Variants in XKR4 observed in about 807,000 individuals in gnomAD.
The protein encoded by XKR4 is XK-related protein 4.
In XKR4, 12 loss-of-function variants were observed where a neutral mutation model predicts 53.9. The ratio of observed to expected loss-of-function variants is 0.22; its 90% CI spans 0.14 to 0.36. The LOEUF is 0.36. XKR4 is among the 10% of genes least tolerant of loss of function. The probability of loss-of-function intolerance (pLI) is 1.00; values close to 1 mark genes in which losing one functional copy is unlikely to be tolerated. For synonymous variants in XKR4, 354 were observed against 362.4 expected, an observed-to-expected ratio of 0.98 and a Z score of 0.26; for missense variants, 799 against 859.5, an observed-to-expected ratio of 0.93 and a Z score of 0.88.
chr8:55,523,780 C>A lies in XKR4; in HGVS notation c.1506C>A (p.Gly502=), dbSNP rs765354178. 9 of 1,614,122 alleles carry A rather than the reference C, an allele frequency of 5.6e-6. No homozygotes were observed. In the South Asian group the frequency reaches 7.7e-5, roughly 14 times the overall value. ...LCVVFSSFLT[G]VVFMLMYYAF... is the part of the protein sequence containing the mutation. ...TGGTGTTCAGCAGCTTTTTAACTGGCGTTGTTTTTATGCTGATGTATTATG... is the reference window on the plus strand; with the variant it reads ...TGGTGTTCAGCAGCTTTTTAACTGGAGTTGTTTTTATGCTGATGTATTATG... The change falls in exon 3 of 3, where the codon GGC becomes GGA. Residue 502 remains glycine, a synonymous_variant. Coordinates refer to ENST00000327381, the MANE Select transcript of XKR4 (RefSeq NM_052898.2).
At chr8:55,146,375 G>A (rs1045651697) in intron 1 of XKR4, among the ~76,000 whole-genome samples, 1 of 152,160 alleles carries the variant, frequency 6.6e-6, no homozygotes, top group South Asian at 2.1e-4. Flanking sequence ...TTACATATAA[G>A]TATAATGAGG....
At chr8:55,177,912 T>C (rs1817255108) in intron 1 of XKR4, among the ~76,000 whole-genome samples, 1 of 152,204 alleles carries the variant, frequency 6.6e-6, no homozygotes, top group South Asian at 2.1e-4. Context: ...CAGAGCTGTG[T>C]AGGCAGCCAA....
At chr8:55,397,231 C>A (rs1184692378) in intron 2 of XKR4, among the ~76,000 whole-genome samples, 2 of 152,184 alleles carry the variant, frequency 1.3e-5, no homozygotes, top group African/African-American at 4.8e-5. Context: ...CACTGTACTT[C>A]TTTGGCAGAC....
At chr8:55,153,761 C>A (rs1242852907) in intron 1 of XKR4, among the ~76,000 whole-genome samples, 1 of 152,186 alleles carries the variant, frequency 6.6e-6, no homozygotes, top group Non-Finnish European at 1.5e-5. Flanking sequence ...AGATCAAGTG[C>A]TTGGTACAGA....
intron 2 of XKR4, among the ~76,000 whole-genome samples, chr8:55,516,706 C>T (rs766759490): frequency 1.3e-5 from 2 of 152,274 alleles, no homozygotes; most frequent in Non-Finnish European, 2.9e-5. Flanking sequence ...TTATGGAAAA[C>T]AGTATGGAGA....
intron 1 of XKR4, among the ~76,000 whole-genome samples, chr8:55,154,403 C>G (rs529460097): frequency 6.6e-6 from 1 of 152,196 alleles, no homozygotes; most frequent in South Asian, 2.1e-4. Flanking sequence ...AAACTTGAAG[C>G]CTAGCGAGAG....
At chr8:55,177,180 G>T (rs144496192) in intron 1 of XKR4, among the ~76,000 whole-genome samples, 1 of 151,966 alleles carries the variant, frequency 6.6e-6, no homozygotes, top group African/African-American at 2.4e-5. Context: ...GGGATTACAG[G>T]TGTGTGCCAC....
intron 1 of XKR4, among the ~76,000 whole-genome samples, chr8:55,203,545 A>G (rs1817604022): frequency 6.6e-6 from 1 of 152,170 alleles, no homozygotes; most frequent in African/African-American, 2.4e-5. Context: ...GCCTGTGTGT[A>G]CGATAAGCTT....
intron 2 of XKR4, among the ~76,000 whole-genome samples, chr8:55,370,911 G>A (rs951044454): frequency 6.6e-6 from 1 of 151,844 alleles, no homozygotes; most frequent in Non-Finnish European, 1.5e-5. Context: ...ATGGACGCCT[G>A]GTATGTGACA....
intron 1 of XKR4, among the ~76,000 whole-genome samples, chr8:55,250,098 A>G (rs12708164): frequency 0.76 from 116,097 of 152,122 alleles, 47,528 homozygotes; most frequent in Non-Finnish European, 0.92. Flanking sequence ...CATTGTTCAA[A>G]GTCATTTGTA....
chr8:55,218,166 A>C (rs1817831198), intron 1 of XKR4, among the ~76,000 whole-genome samples: 1 of 152,232 alleles, frequency 6.6e-6, no homozygotes, highest in Admixed American at 6.5e-5. Flanking sequence ...ACAAAAACTA[A>C]AGCCAAAAAC....
In XKR4 at chr8:55,449,484, G is replaced by A. The variant is rs985967549; in HGVS notation, c.1007-73797G>A. The A allele has an allele frequency of 5.5e-6, 6 of 1,096,982 alleles. No individual in the cohort carries two copies. In the African/African-American group the frequency reaches 7.7e-5, roughly 14 times the overall value. 68.0% of individuals were successfully genotyped at this position (1,096,982 alleles called of 1,614,324 possible). A position where few individuals can be genotyped will look rare whatever the true frequency, so the allele number is the denominator to read the frequency against. On this transcript the variant is annotated intron_variant, in intron 2 of 2. Coordinates refer to ENST00000327381, the MANE Select transcript of XKR4 (RefSeq NM_052898.2). Reference sequence around the variant, plus strand: ...TAGTGGTCGGTAACGACTGGAAGCAGAGCAGCCAGGCAAGGTCGGGAGGCT... The same window carrying A: ...TAGTGGTCGGTAACGACTGGAAGCAAAGCAGCCAGGCAAGGTCGGGAGGCT...
At chr8:55,419,293 G>A (rs1804892541) in intron 2 of XKR4, among the ~76,000 whole-genome samples, 1 of 152,148 alleles carries the variant, frequency 6.6e-6, no homozygotes, top group Non-Finnish European at 1.5e-5. Context: ...GCTGAGGCAT[G>A]AGAATCGCTT....
intron 1 of XKR4, chr8:55,161,443 A>C (rs1816982973): frequency 2.3e-6 from 1 of 433,990 alleles, no homozygotes; most frequent in African/African-American, 2.0e-5. Context: ...CCCAAGGGAA[A>C]CTAGAGTCTT....
intron 2 of XKR4, among the ~76,000 whole-genome samples, chr8:55,395,268 G>T (rs937396243): frequency 6.6e-6 from 1 of 152,050 alleles, no homozygotes; most frequent in Non-Finnish European, 1.5e-5. Context: ...GGAAGATGGG[G>T]CACATGCTCT....
At position 55,277,327 on chromosome 8, in the gene XKR4, G is replaced by A. The variant is rs181876920; in HGVS notation, c.807-80351G>A. ...ACAATAGCATATTCACTGATATACT[G>A]TTTGATAACAGGCAGAGCTATTTTA... On this transcript the variant is annotated intron_variant, in intron 1 of 2. Transcript: ENST00000327381. Among the ~76,000 whole-genome samples, 186 of 152,308 alleles carry A rather than the reference G, an allele frequency of 1.2e-3. 1 individual carries two copies. The highest frequency in any genetic ancestry group is 4.3e-3 in the African/African-American group (177 of 41,562).
chr8:55,469,071 C>T (rs1219253096), intron 2 of XKR4, among the ~76,000 whole-genome samples: 1 of 152,088 alleles, frequency 6.6e-6, no homozygotes, highest in East Asian at 1.9e-4. Context: ...TTCCCTCGCC[C>T]CATAGCTAAT....
At chr8:55,410,027 G>C (rs1467435351) in intron 2 of XKR4, among the ~76,000 whole-genome samples, 1 of 152,038 alleles carries the variant, frequency 6.6e-6, no homozygotes, top group East Asian at 1.9e-4. Context: ...GCAGGGAGAT[G>C]ATGGAGAATT....
At chr8:55,367,714 C>A (rs956446319) in intron 2 of XKR4, among the ~76,000 whole-genome samples, 3 of 152,188 alleles carry the variant, frequency 2.0e-5, no homozygotes, top group Admixed American at 2.0e-4. Flanking sequence ...TGATAATAAT[C>A]AAACTGAAAA....
Sources: allele counts gnomAD v4.1 joint callset (sites outside exome capture counted in the v4.1 genomes callset), GRCh38; gene constraint gnomAD v4.1.1; transcripts MANE v1.5; gene names NCBI Gene and HGNC (gene_info 2026-07-23, HGNC 2026-07-21).